Variants in SEMA5A observed in about 807,000 individuals in gnomAD.
SEMA5A encodes the protein semaphorin 5A, also known as semaphorin-5A.
In SEMA5A, 55 loss-of-function variants were observed where a neutral mutation model predicts 135.5. The ratio of observed to expected loss-of-function variants is 0.41; its 90% CI spans 0.33 to 0.51. The LOEUF (loss-of-function observed/expected upper bound fraction) is 0.51. Among genes scored for constraint, SEMA5A ranks in the 20% least tolerant of loss-of-function variants. SEMA5A has a pLI of 0.37. For synonymous variants in SEMA5A, 580 were observed against 546.5 expected (o/e 1.06, Z -0.85); for missense variants, 1,290 against 1,419.9 (o/e 0.91, Z 1.47).
At chr5:9,451,275 A>G (rs1480861009) in intron 1 of SEMA5A, among the ~76,000 whole-genome samples, 2 of 152,230 alleles carry the variant, frequency 1.3e-5, no homozygotes. Flanking sequence ...TCATTACAGC[A>G]GCCACTGTAA....
chr5:9,495,120 A>G (rs1165511103), intron 1 of SEMA5A, among the ~76,000 whole-genome samples: 1 of 152,188 alleles, frequency 6.6e-6, no homozygotes, highest in African/African-American at 2.4e-5. Flanking sequence ...TTCCCCTTTG[A>G]GGCTGCCATT....
At chr5:9,429,751 G>A (rs1757791160) in intron 2 of SEMA5A, among the ~76,000 whole-genome samples, 1 of 152,210 alleles carries the variant, frequency 6.6e-6, no homozygotes, top group Non-Finnish European at 1.5e-5. Context: ...TGGCTACTCT[G>A]TTCCAGGGAG....
At chr5:9,168,957 C>T (rs1406135147) in intron 11 of SEMA5A, among the ~76,000 whole-genome samples, 1 of 152,126 alleles carries the variant, frequency 6.6e-6, no homozygotes, top group African/African-American at 2.4e-5. Context: ...ACATTTGAGT[C>T]ATTCCTTAAT....
intron 17 of SEMA5A, 142 bp from the exon 18 acceptor site, chr5:9,063,247 A>C (rs547519050): frequency 2.6e-6 from 2 of 780,794 alleles, no homozygotes; most frequent in Admixed American, 4.8e-5. Flanking sequence ...TTTACACTTC[A>C]GTAGCCAAAA....
intron 2 of SEMA5A, among the ~76,000 whole-genome samples, chr5:9,419,607 C>T (rs1032267038): frequency 7.9e-5 from 12 of 152,078 alleles, no homozygotes; most frequent in African/African-American, 2.4e-4. Context: ...TGTGTGCAAA[C>T]CTAAGGAGTC....
chr5:9,329,818 G>A (rs1753040149), intron 4 of SEMA5A, among the ~76,000 whole-genome samples: 1 of 152,122 alleles, frequency 6.6e-6, no homozygotes, highest in South Asian at 2.1e-4. Flanking sequence ...AAAATCCATG[G>A]ATGCTCCAGT....
intron 21 of SEMA5A, among the ~76,000 whole-genome samples, chr5:9,047,667 G>A (rs1736344450): frequency 6.6e-6 from 1 of 152,162 alleles, no homozygotes; most frequent in Non-Finnish European, 1.5e-5. Flanking sequence ...AACAAGTGAA[G>A]ATGCCTATGT....
chr5:9,522,056 C>T (rs953863668), intron 1 of SEMA5A, among the ~76,000 whole-genome samples: 13 of 152,174 alleles, frequency 8.5e-5, no homozygotes, highest in African/African-American at 3.1e-4. Context: ...GTCGCATAGC[C>T]TTCGCCTGCA....
At chr5:9,408,851 C>T (rs1481012263) in intron 2 of SEMA5A, among the ~76,000 whole-genome samples, 1 of 151,822 alleles carries the variant, frequency 6.6e-6, no homozygotes, top group East Asian at 1.9e-4. Context: ...TTTTAAATGT[C>T]ATAGAGTCTA....
At chr5:9,522,972 G>A (rs1736918587) in intron 1 of SEMA5A, 2 of 152,144 alleles carry the variant, frequency 1.3e-5, no homozygotes, top group Non-Finnish European at 2.9e-5. Flanking sequence ...TACATATTTT[G>A]AGTTTCTGTG....
At chr5:9,043,175 C>T in intron 22 of SEMA5A, 159 bp from the exon 23 acceptor site, 2 of 695,922 alleles carry the variant, frequency 2.9e-6, no homozygotes, top group Non-Finnish European at 4.5e-6. Context: ...GATTATTTGC[C>T]CCATGGAGGA....
chr5:9,255,345 A>C (rs1339811593), intron 5 of SEMA5A, among the ~76,000 whole-genome samples: 2 of 152,178 alleles, frequency 1.3e-5, no homozygotes, highest in African/African-American at 2.4e-5. Context: ...CAGGGTCCAC[A>C]CCAAGGTGCT....
intron 9 of SEMA5A, among the ~76,000 whole-genome samples, chr5:9,199,446 G>T (rs1745586964): frequency 6.6e-6 from 1 of 152,198 alleles, no homozygotes; most frequent in South Asian, 2.1e-4. Context: ...GGATGGGATT[G>T]TCTACAGGAA....
At chr5:9,098,265 A>AAATAAATAAATT (rs1232987340) in intron 16 of SEMA5A, among the ~76,000 whole-genome samples, 1 of 151,130 alleles carries the variant, frequency 6.6e-6, no homozygotes, top group Non-Finnish European at 1.5e-5. Context: ...ATAAATAAAT[A>AAATAAATAAATT]AATAAATAAA....
chr5:9,375,005 C>T (rs976615390), intron 3 of SEMA5A, among the ~76,000 whole-genome samples: 2 of 152,158 alleles, frequency 1.3e-5, no homozygotes, highest in Admixed American at 1.3e-4. Flanking sequence ...TCCTTCCCAT[C>T]GCCATTTGAG....
chr5:9,489,142 TC>T (rs879653027), intron 1 of SEMA5A, among the ~76,000 whole-genome samples: 2 of 152,116 alleles, frequency 1.3e-5, no homozygotes, highest in African/African-American at 2.4e-5. Context: ...AACCATTACA[TC>T]CAAAAAGCAT....
chr5:9,174,976 C>T (rs1225080953), intron 11 of SEMA5A, among the ~76,000 whole-genome samples: 2 of 152,204 alleles, frequency 1.3e-5, no homozygotes, highest in African/African-American at 4.8e-5. Context: ...CATTTGTTAA[C>T]ACATCACAGC....
At chr5:9,486,442 C>CA (rs1373525520) in intron 1 of SEMA5A, among the ~76,000 whole-genome samples, 1 of 152,030 alleles carries the variant, frequency 6.6e-6, no homozygotes, top group Non-Finnish European at 1.5e-5. Context: ...AAAGTAAAAT[C>CA]AAAAATAAAT....
Position 9,244,029 on chromosome 5 carries a change from C to T in SEMA5A, c.271-6139G>A, listed in dbSNP as rs112078287. ...CATAGAATGTATTCATGTCTAAAGC[C>T]TCTGGGCCCATTCACAGCCCTAGAA... is the stretch of plus-strand genomic sequence containing the variant. On this transcript the variant is annotated intron_variant, in intron 5 of 22. Coordinates refer to ENST00000382496, the MANE Select transcript of SEMA5A (RefSeq NM_003966.3). Among the ~76,000 whole-genome samples the T allele has an allele frequency of 9.8e-3, 1,490 of 152,212 alleles. 27 individuals are homozygous for T. The highest frequency in any genetic ancestry group is 0.034 in the African/African-American group (1,421 of 41,506).
Sources: allele counts gnomAD v4.1 joint callset (sites outside exome capture counted in the v4.1 genomes callset), GRCh38; gene constraint gnomAD v4.1.1; transcripts MANE v1.5; gene names NCBI Gene and HGNC (gene_info 2026-07-23, HGNC 2026-07-21).